Variants in DAPK1 observed in about 807,000 individuals in gnomAD.
DAPK1 encodes the protein death-associated protein kinase 1.
DAPK1 carries 56 observed loss-of-function variants against 144.9 expected under a neutral mutation model. That is an observed-to-expected ratio of 0.39 (90% CI 0.31 to 0.48). The LOEUF (loss-of-function observed/expected upper bound fraction) is 0.48. Among genes scored for constraint, DAPK1 ranks in the 20% least tolerant of loss-of-function variants. The probability of loss-of-function intolerance (pLI) is 0.95; values close to 1 mark genes in which losing one functional copy is unlikely to be tolerated. For synonymous variants in DAPK1, 690 were observed against 749.0 expected, an observed-to-expected ratio of 0.92 and a Z score of 1.29; for missense variants, 1,454 against 1,875.4, an observed-to-expected ratio of 0.78 and a Z score of 4.15.
At chr9:87,535,632 C>T (rs1825834050) in intron 2 of DAPK1, among the ~76,000 whole-genome samples, 1 of 152,026 alleles carries the variant, frequency 6.6e-6, no homozygotes, top group Admixed American at 6.6e-5. Context: ...TATAGCCCAC[C>T]AGTATTTTAT....
chr9:87,547,919 A>G (rs1482517461), intron 2 of DAPK1, among the ~76,000 whole-genome samples: 1 of 152,190 alleles, frequency 6.6e-6, no homozygotes, highest in African/African-American at 2.4e-5. Context: ...ATGTTTGGCC[A>G]CATATCTGTG....
In DAPK1 at chr9:87,681,527, T is replaced by C; in HGVS notation, c.2125T>C (p.Cys709Arg). ...GKTTLVESLK[C>R]GLLRSFFRRR... ...AACCACCCTTGTAGAATCTCTCAAG[T>C]GTGGGCTGCTGAGGAGCTTTTTCAG... The change falls in exon 20 of 26, where the codon TGT becomes CGT. Residue 709 changes from cysteine to arginine, a missense_variant. By Grantham distance (180) the Cys-to-Arg change is radical. Transcript: ENST00000408954. The C allele has an allele frequency of 6.2e-7, 1 of 1,610,042 alleles. No homozygotes were observed. Among genetic ancestry groups the C allele is most frequent in the Non-Finnish European group, 8.5e-7 (1 of 1,176,264 alleles).
intron 2 of DAPK1, among the ~76,000 whole-genome samples, chr9:87,503,026 C>G (rs1394311148): frequency 6.6e-6 from 1 of 152,118 alleles, no homozygotes; most frequent in Non-Finnish European, 1.5e-5. Context: ...GATGCTGATA[C>G]TGTTAGAGAG....
intron 19 of DAPK1, among the ~76,000 whole-genome samples, chr9:87,673,826 G>A (rs1385736171): frequency 6.6e-6 from 1 of 152,136 alleles, no homozygotes; most frequent in African/African-American, 2.4e-5. Flanking sequence ...CCCTACCAAA[G>A]GTTGTTGATA....
intron 3 of DAPK1, among the ~76,000 whole-genome samples, chr9:87,607,053 AC>A (rs1240635222): frequency 6.6e-6 from 1 of 150,566 alleles, no homozygotes; most frequent in Non-Finnish European, 1.5e-5. Context: ...CTTCCCCTGT[AC>A]CCTCCCACCC....
chr9:87,517,775 A>G (rs1825118774), intron 2 of DAPK1, among the ~76,000 whole-genome samples: 1 of 152,208 alleles, frequency 6.6e-6, no homozygotes, highest in Non-Finnish European at 1.5e-5. Flanking sequence ...GGGTAGAGTA[A>G]GCTTCAGATA....
In DAPK1 at chr9:87,497,992, C is replaced by G. The variant is rs979033151; in HGVS notation, c.-224C>G. 159 of 397,362 alleles carry G rather than the reference C, an allele frequency of 4.0e-4. No individual in the cohort carries two copies. The highest frequency in any genetic ancestry group is 1.8e-4 in the Admixed American group (4 of 22,692). 24.6% of individuals were successfully genotyped at this position (397,362 alleles called of 1,614,324 possible). On this transcript the variant is annotated 5_prime_UTR_variant, in exon 1 of 26. Transcript: ENST00000408954. ...CGGCGCCTGGGAGGGATCTGCGCCC[C>G]CCACTCACTCCCTAGCTGTGTTCCC...
Position 87,577,268 on chromosome 9 carries a change from A to G in DAPK1, c.63-27686A>G, listed in dbSNP as rs73654410. Reference sequence around the variant, plus strand: ...GATTCTCAGGTTCCACCCCAGACATAACGGAATTGGAAACTCGGGGTGGGG... The same window carrying G: ...GATTCTCAGGTTCCACCCCAGACATGACGGAATTGGAAACTCGGGGTGGGG... On this transcript the variant is annotated intron_variant, in intron 2 of 25. Transcript: ENST00000408954. Among the ~76,000 whole-genome samples, 1,431 of 152,222 alleles carry G rather than the reference A, an allele frequency of 9.4e-3. 20 individuals carry two copies. The highest frequency in any genetic ancestry group is 0.033 in the African/African-American group (1,364 of 41,538).
intron 2 of DAPK1, among the ~76,000 whole-genome samples, chr9:87,505,949 A>G (rs1052440510): frequency 2.0e-5 from 3 of 152,096 alleles, no homozygotes; most frequent in African/African-American, 7.2e-5. Context: ...CGGCCTCCCA[A>G]AGTGCTGGGA....
chr9:87,568,911 A>T (rs1161177445), intron 2 of DAPK1, among the ~76,000 whole-genome samples: 1 of 152,202 alleles, frequency 6.6e-6, no homozygotes, highest in Non-Finnish European at 1.5e-5. Context: ...GTCTGATGTG[A>T]TGAGCAGACT....
At chr9:87,517,213 C>T (rs933732765) in intron 2 of DAPK1, among the ~76,000 whole-genome samples, 4 of 151,732 alleles carry the variant, frequency 2.6e-5, no homozygotes, top group Non-Finnish European at 4.4e-5. Flanking sequence ...ACTTAGTGGG[C>T]ACCGATAGCA....
intron 2 of DAPK1, among the ~76,000 whole-genome samples, chr9:87,582,691 A>G (rs1298034602): frequency 6.6e-6 from 1 of 151,544 alleles, no homozygotes; most frequent in Admixed American, 6.6e-5. Flanking sequence ...AGTAGCTGGG[A>G]CTACAGGAGT....
chr9:87,508,319 C>T (rs889022625), intron 2 of DAPK1, among the ~76,000 whole-genome samples: 4 of 150,890 alleles, frequency 2.7e-5, no homozygotes, highest in Non-Finnish European at 5.9e-5. Context: ...TCCAACTTTT[C>T]CTTTTCACCT....
At chr9:87,520,697 T>A (rs1825263335) in intron 2 of DAPK1, among the ~76,000 whole-genome samples, 1 of 152,180 alleles carries the variant, frequency 6.6e-6, no homozygotes, top group East Asian at 1.9e-4. Context: ...AACCAGAGCT[T>A]AAAGAAGTTA....
rs3128495 is a variant in DAPK1, at chr9:87,698,802, G to C, written c.2750+8G>C. 6.3e-7 allele frequency: 1 copy of C among 1,583,594 alleles called. No homozygotes were observed. ...GAAAGAGATTAGGAACAGGTGAGGGGCAGCCACTTAGTCTCCAGCTCACGG... is the reference window on the plus strand; with the variant it reads ...GAAAGAGATTAGGAACAGGTGAGGGCCAGCCACTTAGTCTCCAGCTCACGG... On this transcript the variant is annotated splice_region_variant and intron_variant, in intron 23 of 25. Transcript: ENST00000408954.
chr9:87,498,074 T>C lies in DAPK1; in HGVS notation c.-142T>C, dbSNP rs879815677. 2.5e-6 allele frequency: 1 copy of C among 397,418 alleles called. No homozygotes were observed. Among genetic ancestry groups the C allele is most frequent in the African/African-American group, 2.1e-5 (1 of 48,676 alleles). The allele number at this position is 397,418 out of a possible 1,614,324, so 24.6% of individuals were successfully genotyped here. A position where few individuals can be genotyped will look rare whatever the true frequency, so the allele number is the denominator to read the frequency against. On this transcript the variant is annotated 5_prime_UTR_variant, in exon 1 of 26. Transcript: ENST00000408954. Reference sequence around the variant, plus strand: ...GCCTATGGTCGGCCTCCGACAGCGCTCCGGAGGGACCGGGGGAGCTCCCAG... The same window carrying C: ...GCCTATGGTCGGCCTCCGACAGCGCCCCGGAGGGACCGGGGGAGCTCCCAG...
At chr9:87,550,613 C>T (rs1396399297) in intron 2 of DAPK1, among the ~76,000 whole-genome samples, 1 of 152,154 alleles carries the variant, frequency 6.6e-6, no homozygotes, top group Non-Finnish European at 1.5e-5. Flanking sequence ...CAGGATGAAC[C>T]CTTCTTAACT....
intron 2 of DAPK1, among the ~76,000 whole-genome samples, chr9:87,558,206 G>A (rs542211011): frequency 9.7e-4 from 148 of 152,154 alleles, no homozygotes; most frequent in African/African-American, 3.5e-3. Context: ...GGTGGTCATG[G>A]ACTCTCTTAG....
At position 87,497,972 on chromosome 9, in the gene DAPK1, C is replaced by G. The variant is rs1033551030; in HGVS notation, c.-244C>G. 8 of 397,026 alleles carry G rather than the reference C, an allele frequency of 2.0e-5. No homozygotes were observed. Among genetic ancestry groups the G allele is most frequent in the African/African-American group, 1.6e-4 (8 of 48,582 alleles). 24.6% of individuals were successfully genotyped at this position (397,026 alleles called of 1,614,324 possible). On this transcript the variant is annotated 5_prime_UTR_variant, in exon 1 of 26. Coordinates refer to ENST00000408954, the MANE Select transcript of DAPK1 (RefSeq NM_004938.4). ...GCAGCGGCAGGGTCTGGGGCCGGCGCCTGGGAGGGATCTGCGCCCCCCACT... is the reference window on the plus strand; with the variant it reads ...GCAGCGGCAGGGTCTGGGGCCGGCGGCTGGGAGGGATCTGCGCCCCCCACT...
Sources: gnomAD v4.1 joint callset for allele counts (sites outside exome capture counted in the v4.1 genomes callset) on GRCh38, gnomAD v4.1.1 for gene constraint, MANE v1.5 for transcripts, NCBI Gene and HGNC (gene_info 2026-07-23, HGNC 2026-07-21) for gene names.